The following DLG2 variants were observed in gnomAD, a reference collection of about 807,000 sequenced individuals.
The protein encoded by DLG2 is discs large MAGUK scaffold protein 2, also known as disks large homolog 2.
Under a neutral mutation model 132.5 loss-of-function variants are expected in DLG2, and 45 were observed. That is an observed-to-expected ratio of 0.34 (90% confidence interval 0.27 to 0.44). The LOEUF is 0.44. Among genes scored for constraint, DLG2 ranks in the 20% least tolerant of loss-of-function variants. The pLI, the probability that DLG2 is intolerant of heterozygous loss-of-function variation, is 1.00. For missense variants in DLG2, 1,045 were observed against 1,196.9 expected, an observed-to-expected ratio of 0.87 and a Z score of 1.87; for synonymous variants, 424 against 419.6, an observed-to-expected ratio of 1.01 and a Z score of -0.13.
At chr11:83,816,542 C>T (rs1342849744) in intron 17 of DLG2, among the ~76,000 whole-genome samples, 1 of 151,934 alleles carries the variant, frequency 6.6e-6, no homozygotes, top group Non-Finnish European at 1.5e-5. Flanking sequence ...GGTAGTGCTA[C>T]AGGAGGTTCA....
At chr11:83,552,879 T>C (rs1473874200) in intron 19 of DLG2, among the ~76,000 whole-genome samples, 2 of 152,232 alleles carry the variant, frequency 1.3e-5, no homozygotes, top group Non-Finnish European at 2.9e-5. Flanking sequence ...TTGAAAACCA[T>C]GACTTTCTCT....
intron 20 of DLG2, among the ~76,000 whole-genome samples, chr11:83,536,231 G>A (rs1565687673): frequency 1.3e-5 from 2 of 152,072 alleles, no homozygotes; most frequent in African/African-American, 2.4e-5. Context: ...GCATACAATC[G>A]AGTTAGTAGC....
intron 18 of DLG2, among the ~76,000 whole-genome samples, chr11:83,768,698 TGAG>T (rs2094250617): frequency 6.6e-6 from 1 of 152,350 alleles, no homozygotes; most frequent in East Asian, 1.9e-4. Flanking sequence ...CAGCAGATCC[TGAG>T]GCCATGCATA....
chr11:83,847,392 G>A (rs913835829), intron 16 of DLG2, among the ~76,000 whole-genome samples: 12 of 152,054 alleles, frequency 7.9e-5, no homozygotes, highest in Non-Finnish European at 1.3e-4. Flanking sequence ...GAAGCATTAT[G>A]GTATTATGAA....
intron 16 of DLG2, among the ~76,000 whole-genome samples, chr11:83,870,227 C>A (rs2063173080): frequency 6.6e-6 from 1 of 152,150 alleles, no homozygotes; most frequent in African/African-American, 2.4e-5. Context: ...GTGTATCCAT[C>A]AACAGAATAA....
chr11:83,675,779 A>G (rs2077574902), intron 18 of DLG2, among the ~76,000 whole-genome samples: 1 of 152,190 alleles, frequency 6.6e-6, no homozygotes, highest in African/African-American at 2.4e-5. Context: ...CGAGTTGAAC[A>G]ATTACTTCAT....
intron 11 of DLG2, among the ~76,000 whole-genome samples, chr11:84,053,273 C>A (rs1384404462): frequency 1.3e-5 from 2 of 151,800 alleles, no homozygotes; most frequent in Admixed American, 1.3e-4. Flanking sequence ...GGAGGGGAAG[C>A]AGGAGGAAGG....
chr11:84,259,726 A>C (rs2097528555), intron 7 of DLG2, among the ~76,000 whole-genome samples: 2 of 152,184 alleles, frequency 1.3e-5, no homozygotes, highest in African/African-American at 4.8e-5. Flanking sequence ...TTGGCTTGAA[A>C]TCAATTTGAC....
chr11:83,476,558 T>C (rs2092631798), intron 22 of DLG2, among the ~76,000 whole-genome samples: 2 of 152,154 alleles, frequency 1.3e-5, no homozygotes, highest in Admixed American at 1.3e-4. Context: ...GTTCAGAAGA[T>C]GAACTTAATA....
At chr11:84,151,935 C>A (rs1243059579) in intron 9 of DLG2, among the ~76,000 whole-genome samples, 2 of 152,066 alleles carry the variant, frequency 1.3e-5, no homozygotes, top group Non-Finnish European at 2.9e-5. Context: ...TATTTCTTTG[C>A]ATTTATTGAG....
chr11:84,163,656 C>G (rs1024072150), intron 8 of DLG2, 145 bp from the exon 9 acceptor site: 1 of 659,558 alleles, frequency 1.5e-6, no homozygotes, highest in Non-Finnish European at 2.5e-6. Flanking sequence ...TGTGCATTTT[C>G]ATTCAAGTGA....
chr11:84,544,902 T>G (rs2099386601), intron 6 of DLG2, among the ~76,000 whole-genome samples: 2 of 152,234 alleles, frequency 1.3e-5, no homozygotes, highest in Admixed American at 1.3e-4. Flanking sequence ...TTTGGTGGAA[T>G]GCTCTTCACT....
At chr11:85,375,179 C>T (rs1483066417) in intron 3 of DLG2, among the ~76,000 whole-genome samples, 1 of 151,688 alleles carries the variant, frequency 6.6e-6, no homozygotes, top group Non-Finnish European at 1.5e-5. Context: ...ATATAAACAT[C>T]CTCATTTCTG....
At chr11:83,491,837 C>A (rs540121162) in intron 21 of DLG2, among the ~76,000 whole-genome samples, 1 of 152,114 alleles carries the variant, frequency 6.6e-6, no homozygotes, top group Non-Finnish European at 1.5e-5. Flanking sequence ...CTTCTCCTTA[C>A]AGCAAAACTC....
intron 7 of DLG2, among the ~76,000 whole-genome samples, chr11:84,445,787 G>A (rs1355467048): frequency 6.6e-6 from 1 of 151,668 alleles, no homozygotes; most frequent in Non-Finnish European, 1.5e-5. Context: ...GTGGTAGCGG[G>A]CGCCTGTAGT....
intron 18 of DLG2, among the ~76,000 whole-genome samples, chr11:83,650,133 C>T (rs540287441): frequency 4.6e-5 from 7 of 152,238 alleles, no homozygotes; most frequent in South Asian, 2.1e-4. Context: ...CTGTAATGCC[C>T]GTGTGCAGTA....
At chr11:85,607,442 C>G (rs1364829239) in intron 2 of DLG2, among the ~76,000 whole-genome samples, 1 of 152,220 alleles carries the variant, frequency 6.6e-6, no homozygotes. Context: ...CAAGACTCAT[C>G]CATCTATCTT....
chr11:85,019,060 A>G (rs981184512), intron 6 of DLG2, among the ~76,000 whole-genome samples: 3 of 152,196 alleles, frequency 2.0e-5, no homozygotes, highest in Non-Finnish European at 4.4e-5. Flanking sequence ...AAGCTGCTTT[A>G]AGGAGCCACT....
chr11:83,716,719 T>C (rs1387094036), intron 18 of DLG2, among the ~76,000 whole-genome samples: 1 of 152,236 alleles, frequency 6.6e-6, no homozygotes, highest in African/African-American at 2.4e-5. Context: ...AGATTTTTTT[T>C]TCTCGATTCT....
Sources: gnomAD v4.1 joint callset for allele counts (sites outside exome capture counted in the v4.1 genomes callset) on GRCh38, gnomAD v4.1.1 for gene constraint, MANE v1.5 for transcripts, NCBI Gene and HGNC (gene_info 2026-07-23, HGNC 2026-07-21) for gene names.